Variants in ABCC9 observed in about 807,000 individuals in gnomAD.
ABCC9 encodes the protein ATP binding cassette subfamily C member 9.
A neutral mutation model predicts 188.3 loss-of-function variants in ABCC9; 95 were observed. The ratio of observed to expected loss-of-function variants is 0.50; its 90% CI spans 0.43 to 0.60. The LOEUF (loss-of-function observed/expected upper bound fraction) is 0.60. Ranked by LOEUF, ABCC9 falls within the 20% of genes least tolerant of loss-of-function variation. The pLI is 0.00. For missense variants in ABCC9, 1,102 were observed against 1,876.3 expected (o/e 0.59, Z 7.62); for synonymous variants, 659 against 652.7 (o/e 1.01, Z -0.15).
At chr12:21,900,983 ACTCCAAGACACATAATTGTCAGATT>A (rs1008216254) in intron 12 of ABCC9, among the ~76,000 whole-genome samples, 6 of 152,134 alleles carry the variant, frequency 3.9e-5, no homozygotes, top group African/African-American at 1.4e-4. Flanking sequence ...GAGAAGAGCA[ACTCCAAGACACATAATTGTCAGATT>A]CACCAAAGTT....
chr12:21,868,525 G>A (rs965740935), intron 18 of ABCC9, among the ~76,000 whole-genome samples: 4 of 152,128 alleles, frequency 2.6e-5, no homozygotes, highest in Non-Finnish European at 5.9e-5. Context: ...TGTAGTCTCA[G>A]CTACTCAGGA....
chr12:21,916,473 G>A (rs2137925699), intron 6 of ABCC9, among the ~76,000 whole-genome samples: 1 of 152,300 alleles, frequency 6.6e-6, no homozygotes. Context: ...CAAACCAGGT[G>A]TGTGTCTTGA....
At chr12:21,927,902 T>C (rs1216587458) in intron 4 of ABCC9, among the ~76,000 whole-genome samples, 1 of 152,128 alleles carries the variant, frequency 6.6e-6, no homozygotes, top group Non-Finnish European at 1.5e-5. Flanking sequence ...GAAATGCTTC[T>C]AATATTCTCT....
chr12:21,910,132 A>G, intron 10 of ABCC9, 25 bp downstream of exon 10: 1 of 1,597,638 alleles, frequency 6.3e-7, no homozygotes, highest in Non-Finnish European at 8.6e-7. Context: ...GCAGACAAAA[A>G]TCTTACTTAT....
chr12:21,826,910 A>G (rs528395946), intron 31 of ABCC9, among the ~76,000 whole-genome samples: 1 of 152,334 alleles, frequency 6.6e-6, no homozygotes, highest in Non-Finnish European at 1.5e-5. Flanking sequence ...TTCTAGTAAT[A>G]AGACTAGATT....
At chr12:21,883,129 G>A (rs1946703147) in intron 15 of ABCC9, among the ~76,000 whole-genome samples, 1 of 152,208 alleles carries the variant, frequency 6.6e-6, no homozygotes, top group African/African-American at 2.4e-5. Context: ...AAAGTACAGA[G>A]TCCCAAACTA....
At chr12:21,859,288 T>C (rs1416545407) in intron 22 of ABCC9, among the ~76,000 whole-genome samples, 1 of 152,104 alleles carries the variant, frequency 6.6e-6, no homozygotes, top group Non-Finnish European at 1.5e-5. Context: ...AGACTTATGA[T>C]CCTGCCTCGT....
chr12:21,861,069 G>T lies in ABCC9; in HGVS notation c.2340-14C>A, dbSNP rs757221712. ...ACAGCTTTGTACCTTTGGGAGAAATGATTTTGAATTTTTAGATCTCAATTA... is the reference window on the plus strand; with the variant it reads ...ACAGCTTTGTACCTTTGGGAGAAATTATTTTGAATTTTTAGATCTCAATTA... On this transcript the variant is annotated splice_polypyrimidine_tract_variant and intron_variant, in intron 20 of 39. Coordinates refer to ENST00000261200, the MANE Select transcript of ABCC9 (RefSeq NM_020297.4). 6.2e-7 allele frequency: 1 copy of T among 1,606,830 alleles called. No homozygotes were observed. Among genetic ancestry groups the T allele is most frequent in the South Asian group, 1.1e-5 (1 of 90,940 alleles).
intron 12 of ABCC9, among the ~76,000 whole-genome samples, chr12:21,899,545 G>A (rs538566145): frequency 3.8e-4 from 58 of 152,304 alleles, no homozygotes; most frequent in African/African-American, 1.3e-3. Context: ...AGGGGTCAGG[G>A]AATTCCCTTT....
intron 35 of ABCC9, among the ~76,000 whole-genome samples, chr12:21,814,391 C>T (rs1942460280): frequency 6.6e-6 from 1 of 152,188 alleles, no homozygotes; most frequent in Non-Finnish European, 1.5e-5. Context: ...GCCTTGTTTT[C>T]ATTTTACAAG....
Position 21,850,862 on chromosome 12 carries a change from T to G in ABCC9, c.2769+1235A>C, listed in dbSNP as rs1490739312. ...TTGTCAACTGTACCTGATACTGTTT[T>G]GGGGTTTGTTGTTTGTTTATTGCTT... On this transcript the variant is annotated intron_variant, in intron 24 of 39. Coordinates refer to ENST00000261200, the MANE Select transcript of ABCC9 (RefSeq NM_020297.4). Among the ~76,000 whole-genome samples the G allele has an allele frequency of 2.6e-5, 4 of 152,146 alleles. No homozygotes were observed. The East Asian group carries it at 7.7e-4, about 29-fold the overall frequency.
At position 21,798,746 on chromosome 12, in the gene ABCC9, G is replaced by C. The variant is rs1055378766; in HGVS notation, c.*2298C>G. 1.3e-5 allele frequency: 2 copies of C among 149,840 alleles called. No individual in the cohort carries two copies. Among genetic ancestry groups the C allele is most frequent in the Admixed American group, 1.3e-4 (2 of 14,958 alleles). The allele number at this position is 149,840 out of a possible 1,614,324, so 9.3% of individuals were successfully genotyped here. A position where few individuals can be genotyped will look rare whatever the true frequency, so the allele number is the denominator to read the frequency against. ...ATTTGACCCAGCCATCCCATTACTG[G>C]GTATATACCCAAATGACTATAAATC... On this transcript the variant is annotated 3_prime_UTR_variant, in exon 40 of 40. Coordinates refer to ENST00000261200, the MANE Select transcript of ABCC9 (RefSeq NM_020297.4).
At chr12:21,932,628 A>G (rs1370474354) in intron 4 of ABCC9, among the ~76,000 whole-genome samples, 2 of 151,706 alleles carry the variant, frequency 1.3e-5, no homozygotes, top group African/African-American at 4.8e-5. Flanking sequence ...AGACACATGT[A>G]TGGAAAAAAG....
At chr12:21,856,604 C>T (rs559243699) in intron 22 of ABCC9, among the ~76,000 whole-genome samples, 100 of 152,230 alleles carry the variant, frequency 6.6e-4, no homozygotes, top group Middle Eastern at 3.4e-3. Flanking sequence ...AAATGTGAAA[C>T]TATTCAAGTG....
chr12:21,930,287 A>G (rs1949228286), intron 4 of ABCC9, among the ~76,000 whole-genome samples: 1 of 152,164 alleles, frequency 6.6e-6, no homozygotes, highest in African/African-American at 2.4e-5. Flanking sequence ...TTTCTATATA[A>G]TATGGGACCA....
chr12:21,802,232 A>T (rs1215653500), intron 39 of ABCC9, among the ~76,000 whole-genome samples: 1 of 152,222 alleles, frequency 6.6e-6, no homozygotes, highest in Non-Finnish European at 1.5e-5. Context: ...ATGAGGTTCA[A>T]ATGAGATAAT....
At chr12:21,829,324 C>T (rs536514591) in intron 30 of ABCC9, among the ~76,000 whole-genome samples, 5 of 148,980 alleles carry the variant, frequency 3.4e-5, no homozygotes, top group African/African-American at 1.2e-4. Context: ...GCCTCAGCCT[C>T]CTGAGTAGCT....
At chr12:21,906,413 G>A in intron 11 of ABCC9, 125 bp from the exon 12 acceptor site, 1 of 947,648 alleles carries the variant, frequency 1.1e-6, no homozygotes, top group African/African-American at 1.7e-5. Flanking sequence ...CACTAATTAG[G>A]TTGTGAAGTT....
At chr12:21,827,303 A>G (rs1372039252) in intron 31 of ABCC9, 2 of 985,276 alleles carry the variant, frequency 2.0e-6, no homozygotes, top group African/African-American at 3.5e-5. Flanking sequence ...TTAATCTGAC[A>G]GCAGGAAGTG....
Sources: gnomAD v4.1 joint callset for allele counts (sites outside exome capture counted in the v4.1 genomes callset) on GRCh38, gnomAD v4.1.1 for gene constraint, MANE v1.5 for transcripts, NCBI Gene and HGNC (gene_info 2026-07-23, HGNC 2026-07-21) for gene names.